PLSCR2: variants seen among roughly 807,000 people sequenced by gnomAD.
PLSCR2 encodes the protein phospholipid scramblase 2, also known as PL scramblase 2.
Under a neutral mutation model 25.3 loss-of-function variants are expected in PLSCR2, and 18 were observed. That is an observed-to-expected ratio of 0.71 (90% CI 0.49 to 1.06). The LOEUF (loss-of-function observed/expected upper bound fraction) is 1.06, where lower values mean the gene tolerates loss of function less well. Ranked by LOEUF, PLSCR2 falls within the 50% of genes least tolerant of loss-of-function variation. PLSCR2 has a pLI of 0.00. For missense variants in PLSCR2, 243 were observed against 269.5 expected, an observed-to-expected ratio of 0.90 and a Z score of 0.69; for synonymous variants, 88 against 87.3, an observed-to-expected ratio of 1.01 and a Z score of -0.04.
chr3:146,463,975 C>T, upstream of PLSCR2: 3 of 984,500 alleles, frequency 3.0e-6, no homozygotes, highest in Non-Finnish European at 3.6e-6. Context: ...TTGAATAATT[C>T]CAAGTGGGTT....
At chr3:146,418,550 G>A (rs2039055360) in intron 2 of PLSCR2, among the ~76,000 whole-genome samples, 1 of 152,138 alleles carries the variant, frequency 6.6e-6, no homozygotes, top group African/African-American at 2.4e-5. Flanking sequence ...AATGAAAAAA[G>A]GAATCATTAA....
chr3:146,448,529 C>G (rs1378309951), intron 6 of PLSCR2, among the ~76,000 whole-genome samples: 1 of 152,190 alleles, frequency 6.6e-6, no homozygotes, highest in South Asian at 2.1e-4. Flanking sequence ...TGAAAGTTAC[C>G]CAGGTGTTTC....
chr3:146,392,379 T>C (rs755924934), intron 3 of PLSCR2, among the ~76,000 whole-genome samples: 31 of 152,120 alleles, frequency 2.0e-4, no homozygotes, highest in Non-Finnish European at 3.4e-4. Flanking sequence ...CTTTAATACA[T>C]GATAAACAAA....
At chr3:146,399,809 TTTCC>T (rs1007957591) in intron 2 of PLSCR2, among the ~76,000 whole-genome samples, 2 of 151,118 alleles carry the variant, frequency 1.3e-5, no homozygotes, top group South Asian at 4.2e-4. Context: ...TCCTTCCTTC[TTTCC>T]TTCCTTCCTT....
rs557323273 is a variant in PLSCR2 at position 146,488,185 on chromosome 3, T to C, written c.-293+7710A>G. Reference sequence around the variant, plus strand: ...ATTTTACACAAAAATTAACTCAAGATGGATTAAAGACTTAAATGTAAAAAC... The same window carrying C: ...ATTTTACACAAAAATTAACTCAAGACGGATTAAAGACTTAAATGTAAAAAC... On this transcript the variant is annotated intron_variant, in intron 1 of 8. Transcript: ENST00000336685. Among the ~76,000 whole-genome samples the C allele has an allele frequency of 2.0e-5, 3 of 152,264 alleles. No individual in the cohort carries two copies. The East Asian group carries it at 5.8e-4, about 29-fold the overall frequency.
intron 5 of PLSCR2, 120 bp from the exon 6 acceptor site, chr3:146,449,487 T>A (rs190423740): frequency 4.9e-6 from 3 of 615,850 alleles, no homozygotes; most frequent in Non-Finnish European, 8.3e-6. Flanking sequence ...TACATGAGTA[T>A]ACAGTTAATA....
intron 4 of PLSCR2, among the ~76,000 whole-genome samples, chr3:146,454,573 C>T (rs4380387): frequency 0.48 from 73,036 of 151,774 alleles, 18,606 homozygotes; most frequent in South Asian, 0.7. Flanking sequence ...TATGGTGTTG[C>T]GCCAATGGGA....
rs77502151 is a variant in PLSCR2 at position 146,494,362 on chromosome 3, A to G, written c.-293+1533T>C. ...AATGTACTTAATTTAAAAATCCCAG[A>G]TATGTATGTATTTATTAATTTTTAT... is the stretch of plus-strand genomic sequence containing the variant. On this transcript the variant is annotated intron_variant, in intron 1 of 8. Transcript: ENST00000336685. Among the ~76,000 whole-genome samples the G allele has an allele frequency of 5.3e-3, 809 of 152,294 alleles. 9 individuals are homozygous for G. The highest frequency in any genetic ancestry group is 7.8e-3 in the Non-Finnish European group (531 of 67,994).
chr3:146,449,482 G>T, intron 5 of PLSCR2, 115 bp from the exon 6 acceptor site: 1 of 643,966 alleles, frequency 1.6e-6, no homozygotes, highest in Non-Finnish European at 2.6e-6. Context: ...CACCATACAT[G>T]AGTATACAGT....
chr3:146,427,271 C>A (rs2039389912), intron 2 of PLSCR2, among the ~76,000 whole-genome samples: 3 of 152,098 alleles, frequency 2.0e-5, no homozygotes, highest in Admixed American at 2.0e-4. Context: ...TATATTAGTT[C>A]CTAGAGAACA....
chr3:146,461,951 C>A, upstream of PLSCR2: 1 of 1,428,758 alleles, frequency 7.0e-7, no homozygotes. Context: ...AATATCCTTT[C>A]ATAAGCTAAA....
At chr3:146,412,452 A>C (rs2038885604) in intron 2 of PLSCR2, among the ~76,000 whole-genome samples, 1 of 152,066 alleles carries the variant, frequency 6.6e-6, no homozygotes, top group Admixed American at 6.6e-5. Flanking sequence ...TTTGGATGTC[A>C]CCAGTGCTTA....
At chr3:146,425,110 C>T (rs1193895829) in intron 2 of PLSCR2, among the ~76,000 whole-genome samples, 1 of 151,934 alleles carries the variant, frequency 6.6e-6, no homozygotes, top group East Asian at 1.9e-4. Flanking sequence ...AGCCATAGTG[C>T]CTGATAAGTG....
At position 146,434,286 on chromosome 3, in the gene PLSCR2, T is replaced by C. The variant is rs549243766; in HGVS notation, c.*35-769A>G. ...GTTCTAAATTGCTGATGGGAATTCA[T>C]AGATAAATAAATTCTATGAAGGATA... On this transcript the variant is annotated intron_variant, in intron 8 of 8. Transcript: ENST00000336685. Among the ~76,000 whole-genome samples the C allele has an allele frequency of 3.4e-3, 520 of 152,280 alleles. 1 individual carries two copies. Among genetic ancestry groups the C allele is most frequent in the Middle Eastern group, 0.017 (5 of 294 alleles).
intron 2 of PLSCR2, among the ~76,000 whole-genome samples, chr3:146,406,206 C>T (rs2038655346): frequency 6.6e-6 from 1 of 152,190 alleles, no homozygotes; most frequent in Non-Finnish European, 1.5e-5. Flanking sequence ...GCTAAAGTTA[C>T]ACCTGTCTAA....
chr3:146,489,462 A>AT (rs1410937639), intron 1 of PLSCR2, among the ~76,000 whole-genome samples: 2 of 152,144 alleles, frequency 1.3e-5, no homozygotes, highest in African/African-American at 4.8e-5. Flanking sequence ...AATGGCAGCA[A>AT]TTCTTAGAGG....
chr3:146,418,737 A>C (rs75060588), intron 2 of PLSCR2, among the ~76,000 whole-genome samples: 1 of 152,248 alleles, frequency 6.6e-6, no homozygotes, highest in East Asian at 1.9e-4. Context: ...TTTTCAGCTG[A>C]GTAATGTTAT....
intron 1 of PLSCR2, among the ~76,000 whole-genome samples, chr3:146,465,554 C>T (rs1480805526): frequency 2.0e-5 from 3 of 147,890 alleles, no homozygotes; most frequent in East Asian, 2.0e-4. Flanking sequence ...AACTCTCTCC[C>T]GCCACACTCA....
chr3:146,481,944 A>T (rs1321661457), intron 1 of PLSCR2, among the ~76,000 whole-genome samples: 4 of 151,256 alleles, frequency 2.6e-5, no homozygotes, highest in African/African-American at 7.3e-5. Context: ...CAACCATCTG[A>T]TTGACAAACC....
Sources: allele counts gnomAD v4.1 joint callset (sites outside exome capture counted in the v4.1 genomes callset), GRCh38; gene constraint gnomAD v4.1.1; transcripts MANE v1.5; gene names NCBI Gene and HGNC (gene_info 2026-07-23, HGNC 2026-07-21).